The following GPC6 variants were observed in gnomAD, a reference collection of about 807,000 sequenced individuals.
GPC6 encodes glypican-6.
GPC6 carries 14 observed loss-of-function variants against 55.2 expected under a neutral mutation model. The ratio of observed to expected loss-of-function variants is 0.25; its 90% CI spans 0.17 to 0.40. The LOEUF (loss-of-function observed/expected upper bound fraction) is 0.40. Ranked by LOEUF, GPC6 falls within the 10% of genes least tolerant of loss-of-function variation. The pLI is 1.00. For synonymous variants in GPC6, 278 were observed against 259.6 expected, an observed-to-expected ratio of 1.07 and a Z score of -0.68; for missense variants, 641 against 708.5, an observed-to-expected ratio of 0.90 and a Z score of 1.08.
intron 4 of GPC6, among the ~76,000 whole-genome samples, chr13:94,089,178 G>A (rs932672278): frequency 1.3e-5 from 2 of 152,130 alleles, no homozygotes; most frequent in African/African-American, 4.8e-5. Flanking sequence ...TAATGACTGT[G>A]CTCTTAAAGC....
At chr13:93,452,445 A>G (rs1878265344) in intron 1 of GPC6, among the ~76,000 whole-genome samples, 1 of 152,180 alleles carries the variant, frequency 6.6e-6, no homozygotes, top group South Asian at 2.1e-4. Flanking sequence ...GTCAATTGTC[A>G]TCTGTTTTAA....
chr13:93,443,458 C>T (rs1301530524), intron 1 of GPC6, among the ~76,000 whole-genome samples: 1 of 152,244 alleles, frequency 6.6e-6, no homozygotes, highest in East Asian at 1.9e-4. Flanking sequence ...TTTTGTTAAG[C>T]ACCTTGGTGG....
intron 4 of GPC6, among the ~76,000 whole-genome samples, chr13:94,278,897 C>T (rs961227185): frequency 6.6e-6 from 1 of 152,116 alleles, no homozygotes; most frequent in Admixed American, 6.5e-5. Context: ...CTGAAGTTTT[C>T]TTTTTTTGTT....
intron 4 of GPC6, among the ~76,000 whole-genome samples, chr13:94,246,844 CTATTT>C: frequency 6.6e-6 from 1 of 151,796 alleles, no homozygotes; most frequent in South Asian, 2.1e-4. Flanking sequence ...ATCGTTGTGG[CTATTT>C]AGGGTCTTTT....
intron 4 of GPC6, among the ~76,000 whole-genome samples, chr13:94,192,272 A>G (rs988512782): frequency 2.0e-5 from 3 of 152,222 alleles, no homozygotes; most frequent in Admixed American, 6.5e-5. Flanking sequence ...AGAACAATCT[A>G]TAAAGTATAG....
At chr13:94,317,304 C>T (rs577382049) in intron 6 of GPC6, among the ~76,000 whole-genome samples, 1 of 152,330 alleles carries the variant, frequency 6.6e-6, no homozygotes, top group African/African-American at 2.4e-5. Flanking sequence ...CTCCCCAAAG[C>T]AGCCAGCATT....
intron 1 of GPC6, among the ~76,000 whole-genome samples, chr13:93,473,015 G>A (rs1257473136): frequency 2.0e-5 from 3 of 152,210 alleles, no homozygotes; most frequent in Non-Finnish European, 2.9e-5. Flanking sequence ...CATCTGCTCA[G>A]CTGTGGCTGA....
intron 4 of GPC6, among the ~76,000 whole-genome samples, chr13:94,146,279 C>G (rs1887560438): frequency 6.6e-6 from 1 of 151,764 alleles, no homozygotes; most frequent in Non-Finnish European, 1.5e-5. Flanking sequence ...GACTTACACC[C>G]ACCAACCACT....
intron 4 of GPC6, among the ~76,000 whole-genome samples, chr13:94,083,773 G>C (rs1433210193): frequency 6.6e-6 from 1 of 152,182 alleles, no homozygotes; most frequent in East Asian, 1.9e-4. Context: ...AGGAAGACAG[G>C]ATATCCCTGC....
In GPC6 at chr13:94,043,708, T is replaced by A. The variant is rs28645228; in HGVS notation, c.877+15814T>A. Among the ~76,000 whole-genome samples the A allele has an allele frequency of 4.2e-3, 639 of 151,998 alleles. 6 individuals carry two copies. Among genetic ancestry groups the A allele is most frequent in the African/African-American group, 0.015 (614 of 41,520 alleles). The stretch of plus-strand genomic sequence containing the variant: ...GAAATCCGGTTTTCTTTATCTGCAA[T>A]ATATTAACATATTTGTTAAAGACAG... On this transcript the variant is annotated intron_variant, in intron 4 of 8. Transcript: ENST00000377047.
At chr13:93,832,580 A>G (rs1887562596) in intron 3 of GPC6, among the ~76,000 whole-genome samples, 1 of 152,138 alleles carries the variant, frequency 6.6e-6, no homozygotes, top group Non-Finnish European at 1.5e-5. Context: ...GAGATAACAG[A>G]ATATTTTCTA....
At chr13:94,178,454 T>C (rs1264464889) in intron 4 of GPC6, among the ~76,000 whole-genome samples, 2 of 152,226 alleles carry the variant, frequency 1.3e-5, no homozygotes, top group Admixed American at 6.5e-5. Context: ...AAACAGTGAT[T>C]TCAACAATAT....
intron 1 of GPC6, among the ~76,000 whole-genome samples, chr13:93,305,419 G>T (rs1878824062): frequency 6.6e-6 from 1 of 152,116 alleles, no homozygotes; most frequent in African/African-American, 2.4e-5. Context: ...TAGGAGAACA[G>T]GATTGGTGAT....
At chr13:94,372,135 T>G (rs183378121) in intron 6 of GPC6, among the ~76,000 whole-genome samples, 5 of 152,236 alleles carry the variant, frequency 3.3e-5, no homozygotes, top group Admixed American at 3.3e-4. Flanking sequence ...TTTCTTGCTT[T>G]CTTCTTTCAC....
chr13:93,405,127 A>T (rs1218316952), intron 1 of GPC6, among the ~76,000 whole-genome samples: 5 of 152,196 alleles, frequency 3.3e-5, no homozygotes, highest in Non-Finnish European at 7.3e-5. Context: ...ATACAAGAAG[A>T]AAAGGTAGCC....
intron 4 of GPC6, among the ~76,000 whole-genome samples, chr13:94,246,904 A>G (rs1017787373): frequency 2.6e-5 from 4 of 152,130 alleles, no homozygotes; most frequent in South Asian, 4.1e-4. Flanking sequence ...ATTTCTTTGA[A>G]GAGTGTCATT....
In GPC6 at chr13:93,556,721, A is replaced by G. The variant is rs1456083458; in HGVS notation, c.319+11300A>G. Among the ~76,000 whole-genome samples the G allele has an allele frequency of 2.6e-5, 4 of 151,726 alleles. No homozygotes were observed. In the East Asian group the frequency reaches 7.8e-4, roughly 29 times the overall value. ...TCGCTGCCCGTCACTCCCCTTCCCA[A>G]CCTCTGGTAACCACCCTTCTACTGT... is the stretch of plus-strand genomic sequence containing the variant. On this transcript the variant is annotated intron_variant, in intron 2 of 8. Coordinates refer to ENST00000377047, the MANE Select transcript of GPC6 (RefSeq NM_005708.5).
chr13:93,978,380 A>C (rs1410513927), intron 3 of GPC6, among the ~76,000 whole-genome samples: 1 of 152,198 alleles, frequency 6.6e-6, no homozygotes, highest in East Asian at 1.9e-4. Flanking sequence ...GAAGAACACC[A>C]GAACTTGTTC....
intron 1 of GPC6, chr13:93,395,887 T>C (rs940560443): frequency 6.6e-6 from 1 of 152,268 alleles, no homozygotes; most frequent in African/African-American, 2.4e-5. Flanking sequence ...CATTAGGGAA[T>C]TTTAGATGTC....
Sources: gnomAD v4.1 joint callset for allele counts (sites outside exome capture counted in the v4.1 genomes callset) on GRCh38, gnomAD v4.1.1 for gene constraint, MANE v1.5 for transcripts, NCBI Gene and HGNC (gene_info 2026-07-23, HGNC 2026-07-21) for gene names.